Variants in ENPP2 observed in about 807,000 individuals in gnomAD.
ENPP2 encodes the protein autotaxin.
In ENPP2, 51 loss-of-function variants were observed where a neutral mutation model predicts 120.2. The ratio of observed to expected loss-of-function variants is 0.42; its 90% CI spans 0.34 to 0.54. The LOEUF is 0.54. Among genes scored for constraint, ENPP2 ranks in the 20% least tolerant of loss-of-function variants. The probability of loss-of-function intolerance (pLI) is 0.04; values close to 1 mark genes in which losing one functional copy is unlikely to be tolerated. For missense variants in ENPP2, 920 were observed against 1,066.5 expected (o/e 0.86, Z 1.91); for synonymous variants, 365 against 366.4 (o/e 1.00, Z 0.04).
In ENPP2 at chr8:119,636,465, G is replaced by T. The variant is rs79412571; in HGVS notation, c.136+1960C>A. 7.0e-3 allele frequency among the ~76,000 whole-genome samples: 1,063 copies of T among 152,240 alleles called. 10 individuals are homozygous for T. Among genetic ancestry groups the T allele is most frequent in the African/African-American group, 0.025 (1,027 of 41,552 alleles). Reference sequence around the variant, plus strand: ...ATTGTATTCTAAGACTAAGCTTCACGTGGTTAGAAGTTTAATAAATTATTT... The same window carrying T: ...ATTGTATTCTAAGACTAAGCTTCACTTGGTTAGAAGTTTAATAAATTATTT... On this transcript the variant is annotated intron_variant, in intron 2 of 24. Coordinates refer to ENST00000075322, the MANE Select transcript of ENPP2 (RefSeq NM_001040092.3).
exon 1 of ENPP2, chr8:119,673,268 G>A (rs1818308121): frequency 1.3e-6 from 2 of 1,535,234 alleles, no homozygotes; most frequent in Admixed American, 2.0e-5. Flanking sequence ...GGCGTGGCGG[G>A]TCATGCTGCG....
At chr8:119,568,479 GT>G (rs149761146) in intron 21 of ENPP2, among the ~76,000 whole-genome samples, 4,544 of 151,900 alleles carry the variant, frequency 0.03, 170 homozygotes, top group African/African-American at 0.089. Flanking sequence ...CATTTACAAT[GT>G]TTTTTTCTTA....
chr8:119,578,397 T>G (rs1355841489), intron 19 of ENPP2: 2 of 152,150 alleles, frequency 1.3e-5, no homozygotes, highest in African/African-American at 4.8e-5. Context: ...TTTTGTCATA[T>G]AAGGACACTG....
intron 11 of ENPP2, among the ~76,000 whole-genome samples, chr8:119,595,355 G>A (rs753061532): frequency 7.9e-5 from 12 of 152,036 alleles, no homozygotes; most frequent in South Asian, 2.1e-4. Flanking sequence ...AACTCTATCC[G>A]CCCATTATTT....
At chr8:119,599,108 C>A (rs1420746310) in intron 11 of ENPP2, among the ~76,000 whole-genome samples, 5 of 152,140 alleles carry the variant, frequency 3.3e-5, no homozygotes, top group African/African-American at 1.2e-4. Context: ...GCCATTCTTG[C>A]TTTGGTGTTC....
exon 1 of ENPP2, chr8:119,673,348 G>C (rs1818312357): frequency 2.0e-6 from 3 of 1,520,062 alleles, no homozygotes; most frequent in Non-Finnish European, 2.6e-6. Flanking sequence ...CGACCTGGGA[G>C]CTGTGCTCGG....
At chr8:119,594,915 C>T (rs1408846048) in intron 11 of ENPP2, among the ~76,000 whole-genome samples, 3 of 152,202 alleles carry the variant, frequency 2.0e-5, no homozygotes, top group Non-Finnish European at 4.4e-5. Flanking sequence ...CCTGTTATTT[C>T]ATTGGGAAAT....
chr8:119,578,282 G>A (rs1382829317), intron 19 of ENPP2: 2 of 152,042 alleles, frequency 1.3e-5, no homozygotes, highest in Admixed American at 6.6e-5. Flanking sequence ...TCAAACTCCT[G>A]ACCTCAGGTA....
intron 19 of ENPP2, among the ~76,000 whole-genome samples, chr8:119,575,921 G>A (rs1812302177): frequency 6.6e-6 from 1 of 152,092 alleles, no homozygotes; most frequent in African/African-American, 2.4e-5. Context: ...TTTCTTCCAA[G>A]TATTCCCAAA....
Position 119,568,186 on chromosome 8 carries a change from G to A in ENPP2, c.2120C>T (p.Pro707Leu). Residue 707 changes from proline (P) to leucine (L), a missense_variant, in exon 22 of 25, where the codon CCT becomes CTT. By Grantham distance (98) the Pro-to-Leu change is moderately conservative (BLOSUM62 -3). Transcript: ENST00000075322. ...FLVTNMVPMY[P>L]AFKRVWNYFQ... ...AATATTGGACTTACGTTTGAAAGCAGGATACATTGGAACCATATTGGTTAC... is the reference window on the plus strand; with the variant it reads ...AATATTGGACTTACGTTTGAAAGCAAGATACATTGGAACCATATTGGTTAC... 2 of 1,564,646 alleles carry A rather than the reference G, an allele frequency of 1.3e-6. No individual in the cohort carries two copies. Among genetic ancestry groups the A allele is most frequent in the Non-Finnish European group, 1.8e-6 (2 of 1,135,830 alleles).
At chr8:119,673,357 G>C (rs930315274) in exon 1 of ENPP2, 31 of 1,492,412 alleles carry the variant, frequency 2.1e-5, no homozygotes, top group East Asian at 9.8e-5. Flanking sequence ...AGCTGTGCTC[G>C]GGACGGCTGC....
intron 9 of ENPP2, among the ~76,000 whole-genome samples, chr8:119,603,587 A>C (rs551446572): frequency 7.1e-4 from 108 of 152,326 alleles, no homozygotes; most frequent in African/African-American, 2.5e-3. Flanking sequence ...AATAGTACCT[A>C]TCTCATAAAG....
At chr8:119,657,734 T>C (rs1040654978) in intron 1 of ENPP2, among the ~76,000 whole-genome samples, 1 of 152,156 alleles carries the variant, frequency 6.6e-6, no homozygotes, top group Non-Finnish European at 1.5e-5. Flanking sequence ...TGTCTAGGAA[T>C]GAAAGGAATC....
intron 12 of ENPP2, among the ~76,000 whole-genome samples, chr8:119,591,258 T>A (rs1813487210): frequency 6.6e-6 from 1 of 151,970 alleles, no homozygotes; most frequent in African/African-American, 2.4e-5. Context: ...AAAAACAAAA[T>A]AACACTGAAA....
At chr8:119,661,535 T>C (rs1380557050) in intron 1 of ENPP2, among the ~76,000 whole-genome samples, 1 of 152,014 alleles carries the variant, frequency 6.6e-6, no homozygotes, top group African/African-American at 2.4e-5. Flanking sequence ...TTGGCAAGGG[T>C]GTGGAGAAAA....
chr8:119,604,620 T>C (rs1422695894), intron 9 of ENPP2, among the ~76,000 whole-genome samples: 2 of 151,886 alleles, frequency 1.3e-5, no homozygotes, highest in Admixed American at 6.6e-5. Context: ...GTTAAGTATT[T>C]ACTAGTAAAG....
intron 15 of ENPP2, among the ~76,000 whole-genome samples, chr8:119,585,505 T>C (rs1813041932): frequency 6.6e-6 from 1 of 152,176 alleles, no homozygotes; most frequent in South Asian, 2.1e-4. Flanking sequence ...GATAGACAAA[T>C]TCACAGCACT....
chr8:119,629,655 G>A (rs958313781), intron 2 of ENPP2, among the ~76,000 whole-genome samples: 1 of 152,158 alleles, frequency 6.6e-6, no homozygotes, highest in African/African-American at 2.4e-5. Context: ...AACCGTACGA[G>A]TTCAGTTTAG....
At chr8:119,583,846 A>T in intron 16 of ENPP2, 42 bp from the exon 17 acceptor site, 1 of 1,422,848 alleles carries the variant, frequency 7.0e-7, no homozygotes, top group East Asian at 2.3e-5. Flanking sequence ...AAGCATTGTT[A>T]GGTAGGAACC....
Sources: allele counts gnomAD v4.1 joint callset (sites outside exome capture counted in the v4.1 genomes callset), GRCh38; gene constraint gnomAD v4.1.1; transcripts MANE v1.5; gene names NCBI Gene and HGNC (gene_info 2026-07-23, HGNC 2026-07-21).